Variants in ANK3 observed in about 807,000 individuals in gnomAD.
ANK3 encodes the protein ankyrin-3.
ANK3 carries 57 observed loss-of-function variants against 370.9 expected under a neutral mutation model. That is an observed-to-expected ratio of 0.15 (90% CI 0.12 to 0.19). The LOEUF is 0.19. Ranked by LOEUF, ANK3 falls within the 10% of genes least tolerant of loss-of-function variation. ANK3 has a pLI of 1.00. For missense variants in ANK3, 4,439 were observed against 5,302.1 expected, an observed-to-expected ratio of 0.84 and a Z score of 5.06; for synonymous variants, 1,929 against 1,946.3, an observed-to-expected ratio of 0.99 and a Z score of 0.23.
chr10:60,306,809 C>T (rs755636826), intron 1 of ANK3, among the ~76,000 whole-genome samples: 17 of 152,088 alleles, frequency 1.1e-4, no homozygotes, highest in Admixed American at 8.5e-4. Context: ...AACTGTATTC[C>T]GTGAACAAGC....
intron 23 of ANK3, among the ~76,000 whole-genome samples, chr10:60,146,253 C>T (rs1209192981): frequency 6.6e-6 from 1 of 152,076 alleles, no homozygotes; most frequent in Non-Finnish European, 1.5e-5. Context: ...AGAGATGGAA[C>T]AGAAAAAGTG....
intron 7 of ANK3, among the ~76,000 whole-genome samples, chr10:60,252,664 A>G (rs936975664): frequency 3.3e-5 from 5 of 152,202 alleles, no homozygotes; most frequent in African/African-American, 9.7e-5. Flanking sequence ...TTATTGTCTC[A>G]GTGTCATTAA....
intron 23 of ANK3, among the ~76,000 whole-genome samples, chr10:60,150,295 C>A (rs1008189454): frequency 1.3e-5 from 2 of 152,140 alleles, no homozygotes; most frequent in Non-Finnish European, 2.9e-5. Flanking sequence ...CTGTCTCTGA[C>A]ACTTTGACCA....
intron 2 of ANK3, among the ~76,000 whole-genome samples, chr10:60,518,016 T>G (rs2076262622): frequency 6.6e-6 from 1 of 152,124 alleles, no homozygotes; most frequent in South Asian, 2.1e-4. Flanking sequence ...GTTGTGCAGT[T>G]TAAGTGGCAT....
chr10:60,440,248 G>A (rs2064266054), intron 2 of ANK3, among the ~76,000 whole-genome samples: 1 of 152,148 alleles, frequency 6.6e-6, no homozygotes, highest in South Asian at 2.1e-4. Flanking sequence ...TGGGATAGAA[G>A]TGGCCTAGTG....
At chr10:60,104,858 T>C (rs558344442) in intron 28 of ANK3, among the ~76,000 whole-genome samples, 137 of 152,364 alleles carry the variant, frequency 9.0e-4, no homozygotes, top group African/African-American at 3.1e-3. Context: ...AATTATTTTA[T>C]TTATTCTCAA....
intron 8 of ANK3, among the ~76,000 whole-genome samples, chr10:60,217,033 A>G (rs903777053): frequency 1.3e-5 from 2 of 151,732 alleles, no homozygotes; most frequent in African/African-American, 4.8e-5. Flanking sequence ...TTTTTTCTAG[A>G]TTTTCCAGTT....
At chr10:60,124,342 T>TA (rs1011570537) in intron 25 of ANK3, among the ~76,000 whole-genome samples, 5 of 151,738 alleles carry the variant, frequency 3.3e-5, no homozygotes, top group East Asian at 2.0e-4. Flanking sequence ...TATTTTATTT[T>TA]TTTTTGTATT....
intron 2 of ANK3, among the ~76,000 whole-genome samples, chr10:60,577,019 T>G (rs989210222): frequency 6.6e-6 from 1 of 152,240 alleles, no homozygotes; most frequent in Non-Finnish European, 1.5e-5. Flanking sequence ...TGTATTTACT[T>G]TCAATTTGAA....
At chr10:60,502,894 AAG>A (rs200184351) in intron 2 of ANK3, among the ~76,000 whole-genome samples, 2,285 of 150,166 alleles carry the variant, frequency 0.015, 28 homozygotes, top group African/African-American at 0.035. Context: ...GAAAGAGAGA[AAG>A]AGAACAAGAC....
intron 2 of ANK3, among the ~76,000 whole-genome samples, chr10:60,446,046 AT>A (rs1349628437): frequency 1.3e-5 from 2 of 152,176 alleles, no homozygotes; most frequent in East Asian, 3.8e-4. Flanking sequence ...GCAGAAAGCA[AT>A]TTGTGACCTG....
intron 42 of ANK3, among the ~76,000 whole-genome samples, chr10:60,046,674 G>A (rs1427200359): frequency 1.3e-5 from 2 of 151,948 alleles, no homozygotes; most frequent in African/African-American, 4.8e-5. Flanking sequence ...AAATAGATAG[G>A]AAAGACAGCA....
chr10:60,495,574 G>A (rs910235762), intron 2 of ANK3, among the ~76,000 whole-genome samples: 7 of 152,020 alleles, frequency 4.6e-5, no homozygotes, highest in Non-Finnish European at 1.0e-4. Context: ...TGCACAAGGG[G>A]GCTCCAGCAA....
Position 60,027,744 on chromosome 10 carries a change from T to C in ANK3, c.*2102A>G, listed in dbSNP as rs578127688. The stretch of plus-strand genomic sequence containing the variant: ...TACTACCATATGCTAAGCTGGTAAC[T>C]AGAATAAAAGTTAAAACAGCCATGG... On this transcript the variant is annotated 3_prime_UTR_variant, in exon 44 of 44. Coordinates refer to ENST00000280772, the MANE Select transcript of ANK3 (RefSeq NM_020987.5). 6.6e-6 allele frequency: 1 copy of C among 152,314 alleles called. No homozygotes were observed. The highest frequency in any genetic ancestry group is 2.1e-4 in the South Asian group (1 of 4,828). 9.4% of individuals were successfully genotyped at this position (152,314 alleles called of 1,614,324 possible).
chr10:60,029,879 T>C (rs1313633740), intron 43 of ANK3, 53 bp from the exon 44 acceptor site: 2 of 29,058 alleles, frequency 6.9e-5, no homozygotes, highest in Non-Finnish European at 1.7e-4. Flanking sequence ...CTTTTTCTTT[T>C]TTTTTTTTTT....
chr10:60,293,643 C>T (rs1372279342), intron 1 of ANK3, among the ~76,000 whole-genome samples: 5 of 152,168 alleles, frequency 3.3e-5, no homozygotes, highest in Non-Finnish European at 5.9e-5. Flanking sequence ...CCACTCCTCA[C>T]ATACAAAGAA....
chr10:60,505,209 T>C (rs762545317), intron 2 of ANK3, among the ~76,000 whole-genome samples: 41 of 152,190 alleles, frequency 2.7e-4, no homozygotes, highest in Admixed American at 7.2e-4. Flanking sequence ...AATGTTTTCT[T>C]TAAATAGAGA....
chr10:60,664,132 C>T (rs80267302), intron 1 of ANK3, among the ~76,000 whole-genome samples: 2,844 of 152,288 alleles, frequency 0.019, 73 homozygotes, highest in African/African-American at 0.062. Flanking sequence ...TGAGATAGCA[C>T]GAACCCTGAT....
intron 1 of ANK3, among the ~76,000 whole-genome samples, chr10:60,694,198 A>T (rs536432852): frequency 6.6e-6 from 1 of 152,290 alleles, no homozygotes; most frequent in East Asian, 1.9e-4. Flanking sequence ...AAGTTTAGAG[A>T]AAAAACAATA....
Sources: allele counts gnomAD v4.1 joint callset (sites outside exome capture counted in the v4.1 genomes callset), GRCh38; gene constraint gnomAD v4.1.1; transcripts MANE v1.5; gene names NCBI Gene and HGNC (gene_info 2026-07-23, HGNC 2026-07-21).